Variants in LUZP2 observed in about 807,000 individuals in gnomAD.
The protein encoded by LUZP2 is leucine zipper protein 2.
In LUZP2, 52 loss-of-function variants were observed where a neutral mutation model predicts 51.6. That is an observed-to-expected ratio of 1.01 (90% CI 0.81 to 1.27). The LOEUF is 1.27. LUZP2 is among the 50% of genes most tolerant of loss of function. The pLI, the probability that LUZP2 is intolerant of heterozygous loss-of-function variation, is 0.00. For synonymous variants in LUZP2, 154 were observed against 137.3 expected, an observed-to-expected ratio of 1.12 and a Z score of -0.85; for missense variants, 436 against 395.4, an observed-to-expected ratio of 1.10 and a Z score of -0.87.
chr11:24,720,236 C>G (rs1858211762), intron 1 of LUZP2, among the ~76,000 whole-genome samples: 1 of 135,596 alleles, frequency 7.4e-6, no homozygotes, highest in Admixed American at 7.3e-5. Flanking sequence ...CAAATTCTTT[C>G]AGATAATAGA....
At chr11:24,925,166 C>A (rs1236201447) in intron 7 of LUZP2, among the ~76,000 whole-genome samples, 1 of 152,100 alleles carries the variant, frequency 6.6e-6, no homozygotes, top group African/African-American at 2.4e-5. Flanking sequence ...ATGTTGGTAT[C>A]TCTTATTGCT....
At chr11:24,603,143 A>G (rs921871288) in intron 1 of LUZP2, among the ~76,000 whole-genome samples, 1 of 151,822 alleles carries the variant, frequency 6.6e-6, no homozygotes, top group African/African-American at 2.4e-5. Flanking sequence ...ATGGTATGAC[A>G]GGTAGCTTCT....
intron 1 of LUZP2, among the ~76,000 whole-genome samples, chr11:24,520,951 C>T (rs939080518): frequency 3.3e-5 from 5 of 152,156 alleles, no homozygotes; most frequent in Non-Finnish European, 7.3e-5. Flanking sequence ...ATCATTAGCT[C>T]CAGAGGGAAA....
At chr11:24,540,766 C>G (rs1382166083) in intron 1 of LUZP2, among the ~76,000 whole-genome samples, 2 of 151,956 alleles carry the variant, frequency 1.3e-5, no homozygotes, top group Non-Finnish European at 2.9e-5. Context: ...ATTCAGCCAC[C>G]AGCAGTATCT....
chr11:25,057,422 A>G (rs1339507434), intron 10 of LUZP2, among the ~76,000 whole-genome samples: 1 of 152,100 alleles, frequency 6.6e-6, no homozygotes. Context: ...TCTTAGCAGC[A>G]TATTCGACTA....
intron 4 of LUZP2, among the ~76,000 whole-genome samples, chr11:24,762,033 A>T (rs1296868407): frequency 6.6e-6 from 1 of 152,118 alleles, no homozygotes; most frequent in Non-Finnish European, 1.5e-5. Flanking sequence ...GGGTCTGAAG[A>T]AAATTGGACA....
chr11:24,778,367 G>A (rs1849000847), intron 5 of LUZP2, among the ~76,000 whole-genome samples: 1 of 152,096 alleles, frequency 6.6e-6, no homozygotes, highest in South Asian at 2.1e-4. Flanking sequence ...GTGAGTTGTG[G>A]TCATACCACT....
At chr11:24,674,874 T>G (rs1421977985) in intron 1 of LUZP2, among the ~76,000 whole-genome samples, 1 of 152,214 alleles carries the variant, frequency 6.6e-6, no homozygotes, top group Non-Finnish European at 1.5e-5. Context: ...AAGAGGAATT[T>G]CAGAAATTTT....
intron 7 of LUZP2, among the ~76,000 whole-genome samples, chr11:24,960,456 A>G (rs1029175577): frequency 1.4e-5 from 2 of 145,306 alleles, no homozygotes; most frequent in East Asian, 3.9e-4. Context: ...CAGAGATTCA[A>G]CTTCTTCCTG....
chr11:24,779,534 G>T (rs1381087533), intron 5 of LUZP2, among the ~76,000 whole-genome samples: 1 of 152,138 alleles, frequency 6.6e-6, no homozygotes, highest in East Asian at 1.9e-4. Flanking sequence ...GCCACTCCTT[G>T]TTTTTCATAA....
chr11:24,986,537 C>CTGTGTG (rs61367765), intron 9 of LUZP2, among the ~76,000 whole-genome samples: 44,198 of 145,608 alleles, frequency 0.3, 7,951 homozygotes, highest in East Asian at 0.6. Context: ...TAGCATGCCT[C>CTGTGTG]TGTGTGTGTG....
intron 9 of LUZP2, among the ~76,000 whole-genome samples, chr11:25,021,501 C>T (rs1375434525): frequency 6.6e-6 from 1 of 151,626 alleles, no homozygotes; most frequent in Non-Finnish European, 1.5e-5. Flanking sequence ...GAAAAATGCA[C>T]ACAGGGAAAC....
intron 1 of LUZP2, among the ~76,000 whole-genome samples, chr11:24,706,041 G>A (rs1857571384): frequency 6.6e-6 from 1 of 152,016 alleles, no homozygotes; most frequent in South Asian, 2.1e-4. Context: ...TACCTATGAG[G>A]GCAATGAAAA....
chr11:24,937,044 A>AG (rs1854605409), intron 7 of LUZP2, among the ~76,000 whole-genome samples: 1 of 121,000 alleles, frequency 8.3e-6, no homozygotes, highest in Admixed American at 8.5e-5. Flanking sequence ...TCCTGCAATG[A>AG]GAAACACACA....
chr11:24,969,540 G>T (rs745591499), intron 7 of LUZP2, among the ~76,000 whole-genome samples: 1 of 151,874 alleles, frequency 6.6e-6, no homozygotes, highest in Admixed American at 6.6e-5. Flanking sequence ...TTGAGTTTAG[G>T]CCTAAACATC....
chr11:25,059,816 A>C (rs1437560077), intron 10 of LUZP2, among the ~76,000 whole-genome samples: 2 of 152,210 alleles, frequency 1.3e-5, no homozygotes, highest in African/African-American at 4.8e-5. Flanking sequence ...TGTAATGATC[A>C]GAATTAATAT....
At chr11:24,804,744 G>A (rs1030280081) in intron 5 of LUZP2, among the ~76,000 whole-genome samples, 1 of 152,150 alleles carries the variant, frequency 6.6e-6, no homozygotes, top group Non-Finnish European at 1.5e-5. Flanking sequence ...AGGGGTGAAG[G>A]TCAGAGGGAC....
At chr11:24,694,536 A>G (rs1857182620) in intron 1 of LUZP2, among the ~76,000 whole-genome samples, 1 of 152,158 alleles carries the variant, frequency 6.6e-6, no homozygotes, top group Non-Finnish European at 1.5e-5. Flanking sequence ...ATCTAGAACC[A>G]GAAATACCAT....
At position 24,715,263 on chromosome 11, in the gene LUZP2, ATGTGTGTGTG is replaced by A. The variant is rs58368050; in HGVS notation, c.63-13871_63-13862del. On this transcript the variant is annotated intron_variant, in intron 1 of 11. Transcript: ENST00000336930. Reference sequence around the variant, plus strand: ...ATGGTATCCAATTCAAGGAGCAACTATGTGTGTGTGTGTGTGTGTGTGTGTGTGTGTGTGT... The same window carrying A: ...ATGGTATCCAATTCAAGGAGCAACTATGTGTGTGTGTGTGTGTGTGTGTGT... Among the ~76,000 whole-genome samples, 122 of 133,980 alleles carry A rather than the reference ATGTGTGTGTG, an allele frequency of 9.1e-4. 2 individuals are homozygous for A. Among genetic ancestry groups the A allele is most frequent in the Middle Eastern group, 4.2e-3 (1 of 238 alleles). The allele number at this position is 133,980 out of a possible 152,430, so 87.9% of individuals were successfully genotyped here. A position where few individuals can be genotyped will look rare whatever the true frequency, so the allele number is the denominator to read the frequency against.
Sources: allele counts gnomAD v4.1 joint callset (sites outside exome capture counted in the v4.1 genomes callset), GRCh38; gene constraint gnomAD v4.1.1; transcripts MANE v1.5; gene names NCBI Gene and HGNC (gene_info 2026-07-23, HGNC 2026-07-21).